The following ZNF362 variants were observed in gnomAD, a reference collection of about 807,000 sequenced individuals.
ZNF362 encodes zinc finger protein 362.
ZNF362 carries 11 observed loss-of-function variants against 42.9 expected under a neutral mutation model. The ratio of observed to expected loss-of-function variants is 0.26; its 90% CI spans 0.16 to 0.42. The LOEUF (loss-of-function observed/expected upper bound fraction) is 0.42, where lower values mean the gene tolerates loss of function less well. ZNF362 is among the 20% of genes least tolerant of loss of function. The pLI, the probability that ZNF362 is intolerant of heterozygous loss-of-function variation, is 1.00. For synonymous variants in ZNF362, 255 were observed against 257.3 expected (o/e 0.99, Z 0.09); for missense variants, 362 against 576.2 (o/e 0.63, Z 3.81).
chr1:33,250,832 G>GAAGA, the ZNF362 span, among the ~76,000 whole-genome samples: 56 of 129,354 alleles, frequency 4.3e-4, no homozygotes, highest in Admixed American at 7.4e-4. Flanking sequence ...AAGAAGAAAA[G>GAAGA]AAGAAGAAAG....
At chr1:33,151,435 G>C in the ZNF362 span, among the ~76,000 whole-genome samples, 1 of 152,134 alleles carries the variant, frequency 6.6e-6, no homozygotes, top group African/African-American at 2.4e-5. Context: ...CATTAACACA[G>C]GGTCTTGGCT....
the ZNF362 span, among the ~76,000 whole-genome samples, chr1:33,182,298 C>T: frequency 6.6e-6 from 1 of 152,142 alleles, no homozygotes; most frequent in African/African-American, 2.4e-5. Context: ...TTTGAGAGCA[C>T]AACAAATAAA....
At chr1:33,271,899 T>TCAGGCCTGCAGAGTCTGAG (rs1645907169) in intron 2 of ZNF362, among the ~76,000 whole-genome samples, 2 of 152,282 alleles carry the variant, frequency 1.3e-5, no homozygotes, top group South Asian at 4.1e-4. Context: ...TAAGTCCAGC[T>TCAGGCCTGCAGAGTCTGAG]CAGGCCTGCA....
At chr1:33,218,354 T>C in the ZNF362 span, among the ~76,000 whole-genome samples, 9 of 152,282 alleles carry the variant, frequency 5.9e-5, no homozygotes, top group African/African-American at 2.2e-4. Context: ...GGCAGGAGGA[T>C]GACTTGAGCC....
At chr1:33,226,696 C>T in the ZNF362 span, among the ~76,000 whole-genome samples, 3 of 152,248 alleles carry the variant, frequency 2.0e-5, no homozygotes, top group East Asian at 5.8e-4. Context: ...GAAATCCCAT[C>T]GCTACTAAAA....
chr1:33,250,787 GAGA>G, the ZNF362 span, among the ~76,000 whole-genome samples: 1 of 147,544 alleles, frequency 6.8e-6, no homozygotes, highest in Admixed American at 6.8e-5. Flanking sequence ...AAGAAAGAAG[GAGA>G]AGGAGGAGGA....
the ZNF362 span, among the ~76,000 whole-genome samples, chr1:33,204,245 G>A: frequency 6.6e-6 from 1 of 151,952 alleles, no homozygotes; most frequent in Non-Finnish European, 1.5e-5. Flanking sequence ...TCCCCATTAT[G>A]TCTTCTTGGT....
rs886675654 is a variant in ZNF362 at position 33,280,037 on chromosome 1, G to A, written c.350-87G>A. 3.4e-6 allele frequency: 5 copies of A among 1,456,070 alleles called. No homozygotes were observed. The highest frequency in any genetic ancestry group is 2.5e-5 in the Admixed American group (1 of 39,956). 90.2% of individuals were successfully genotyped at this position (1,456,070 alleles called of 1,614,324 possible). On this transcript the variant is annotated intron_variant, in intron 4 of 8. Coordinates refer to ENST00000539719, the MANE Select transcript of ZNF362 (RefSeq NM_152493.3). This position sits in a 1 kb window ranked among gnomAD's most constrained non-coding sequence, Gnocchi z 5.6. ...ACTTATGAACGTTAAGGGGATGCTC[G>A]CCTGCCAAAATCACATAGCTGGGTG...
intron 6 of ZNF362, among the ~76,000 whole-genome samples, chr1:33,283,741 A>T (rs546610032): frequency 6.6e-6 from 1 of 152,186 alleles, no homozygotes; most frequent in Non-Finnish European, 1.5e-5. Context: ...AAATGGTACA[A>T]TGGCAGCAGG....
chr1:33,197,067 C>A, the ZNF362 span, among the ~76,000 whole-genome samples: 1 of 152,140 alleles, frequency 6.6e-6, no homozygotes, highest in African/African-American at 2.4e-5. Context: ...AGTTGTCTGG[C>A]TTCCTTCTTT....
chr1:33,274,678 G>A (rs951931944), intron 2 of ZNF362, among the ~76,000 whole-genome samples: 2 of 152,162 alleles, frequency 1.3e-5, no homozygotes, highest in African/African-American at 4.8e-5. Context: ...TAGATATTGA[G>A]CCATTTGCAT....
chr1:33,189,700 C>CACATATATGTATATATAT, the ZNF362 span, among the ~76,000 whole-genome samples: 1 of 5,486 alleles, frequency 1.8e-4, no homozygotes, highest in Non-Finnish European at 4.4e-4. Context: ...TATATATACA[C>CACATATATGTATATATAT]ATATATACGT....
At chr1:33,182,451 C>T in the ZNF362 span, among the ~76,000 whole-genome samples, 1,375 of 152,294 alleles carry the variant, frequency 9.0e-3, 22 homozygotes, top group African/African-American at 0.031. Flanking sequence ...TTGCTTAGAG[C>T]GAGTTCAAGG....
At chr1:33,183,134 G>A in the ZNF362 span, among the ~76,000 whole-genome samples, 1 of 152,164 alleles carries the variant, frequency 6.6e-6, no homozygotes, top group African/African-American at 2.4e-5. Flanking sequence ...GGTGAGACCC[G>A]AACTGGGGCC....
In ZNF362 at chr1:33,277,300, C is replaced by T. The variant is rs894825979; in HGVS notation, c.349+706C>T. Among the ~76,000 whole-genome samples the T allele has an allele frequency of 3.9e-5, 6 of 152,246 alleles. No individual in the cohort carries two copies. In the South Asian group the frequency reaches 6.2e-4, roughly 16 times the overall value. On this transcript the variant is annotated intron_variant, in intron 4 of 8. Coordinates refer to ENST00000539719, the MANE Select transcript of ZNF362 (RefSeq NM_152493.3). The stretch of plus-strand genomic sequence containing the variant: ...ACTGAGGCAGAGAAAGGTAAAGCCA[C>T]GTGCAACCACGGTTTACAGCTAGTA...
rs142850369 is a variant in ZNF362, at chr1:33,281,069, AAACAACAAC to A, written c.684-500_684-492del. On this transcript the variant is annotated intron_variant, in intron 5 of 8. Transcript: ENST00000539719. The surrounding 1 kb of genome is among the most constrained non-coding windows in gnomAD (Gnocchi z 4.8). Reference sequence around the variant, plus strand: ...GGGTGACAGGGTGAGACTCTGTCTCAAACAACAACAACAACAACAACAACAATTTTAAAG... The same window carrying A: ...GGGTGACAGGGTGAGACTCTGTCTCAAACAACAACAACAACAATTTTAAAG... 3.6e-4 allele frequency among the ~76,000 whole-genome samples: 54 copies of A among 150,780 alleles called. No individual in the cohort carries two copies. Among genetic ancestry groups the A allele is most frequent in the Admixed American group, 2.4e-3 (37 of 15,188 alleles).
chr1:33,156,556 T>G, the ZNF362 span, among the ~76,000 whole-genome samples: 1 of 152,136 alleles, frequency 6.6e-6, no homozygotes. Flanking sequence ...CTTGGCTGGG[T>G]CCCCCTCTTG....
At chr1:33,185,518 G>C in the ZNF362 span, among the ~76,000 whole-genome samples, 1 of 152,080 alleles carries the variant, frequency 6.6e-6, no homozygotes, top group Non-Finnish European at 1.5e-5. Flanking sequence ...CACCGTGCCC[G>C]ACCCAGTCTC....
intron 8 of ZNF362, among the ~76,000 whole-genome samples, chr1:33,296,824 GTT>G (rs10595778): frequency 0.18 from 23,884 of 135,324 alleles, 2,414 homozygotes; most frequent in South Asian, 0.28. Flanking sequence ...GTCAGGAAGG[GTT>G]TTTTTTTTTT....
Sources: allele counts gnomAD v4.1 joint callset (sites outside exome capture counted in the v4.1 genomes callset), GRCh38; gene constraint gnomAD v4.1.1; non-coding constraint Gnocchi (gnomAD v3.1); transcripts MANE v1.5; gene names NCBI Gene and HGNC (gene_info 2026-07-23, HGNC 2026-07-21).